IGFL2: variants seen among roughly 807,000 people sequenced by gnomAD.
IGFL2 encodes insulin growth factor-like family member 2.
In IGFL2, 7 loss-of-function variants were observed where a neutral mutation model predicts 13.9. The observed-to-expected ratio is 0.51, with a 90% CI of 0.29 to 0.95. The LOEUF (loss-of-function observed/expected upper bound fraction) is 0.95. Among genes scored for constraint, IGFL2 ranks in the 40% least tolerant of loss-of-function variants. The probability of loss-of-function intolerance (pLI) is 0.08; values close to 1 mark genes in which losing one functional copy is unlikely to be tolerated. For missense variants in IGFL2, 138 were observed against 147.8 expected (o/e 0.93, Z 0.34); for synonymous variants, 55 against 55.8 (o/e 0.99, Z 0.07).
upstream of IGFL2, among the ~76,000 whole-genome samples, chr19:46,146,437 A>G (rs982068070): frequency 2.6e-5 from 4 of 152,108 alleles, no homozygotes; most frequent in African/African-American, 7.2e-5. Flanking sequence ...TGGCCATTCT[A>G]GTTTCCATTG....
chr19:46,150,734 G>C (rs1282285348), intron 1 of IGFL2, among the ~76,000 whole-genome samples: 1 of 152,114 alleles, frequency 6.6e-6, no homozygotes, highest in Non-Finnish European at 1.5e-5. Flanking sequence ...GCAGTGGTGT[G>C]ATCACAGCTC....
chr19:46,137,023 A>T, the IGFL2 span: 1 of 1,583,446 alleles, frequency 6.3e-7, no homozygotes, highest in East Asian at 2.2e-5. Flanking sequence ...CTTTCAATGC[A>T]GTCACAGTGG....
At chr19:46,136,797 A>G in the IGFL2 span, 2 of 671,974 alleles carry the variant, frequency 3.0e-6, no homozygotes, top group Non-Finnish European at 5.6e-6. Context: ...TTTGAGTGCA[A>G]CATTCACTAG....
At chr19:46,083,221 T>TA in the IGFL2 span, among the ~76,000 whole-genome samples, 1 of 152,232 alleles carries the variant, frequency 6.6e-6, no homozygotes, top group Non-Finnish European at 1.5e-5. Context: ...CACAAAGACA[T>TA]ACGTATAAGA....
chr19:46,080,082 G>GA, the IGFL2 span, among the ~76,000 whole-genome samples: 5 of 152,204 alleles, frequency 3.3e-5, no homozygotes, highest in Non-Finnish European at 7.3e-5. Context: ...AAGAGACAGT[G>GA]AAAATGTAAG....
At chr19:46,122,018 C>G in the IGFL2 span, among the ~76,000 whole-genome samples, 1 of 151,206 alleles carries the variant, frequency 6.6e-6, no homozygotes. Context: ...ATGACTTCAT[C>G]TATCTTTTTA....
the IGFL2 span, among the ~76,000 whole-genome samples, chr19:46,137,765 C>T: frequency 6.6e-6 from 1 of 152,152 alleles, no homozygotes; most frequent in African/African-American, 2.4e-5. Context: ...ATTCAAAGAA[C>T]CAGTCTTTGA....
At chr19:46,168,276 A>G in the IGFL2 span, among the ~76,000 whole-genome samples, 9 of 152,246 alleles carry the variant, frequency 5.9e-5, no homozygotes, top group African/African-American at 2.2e-4. Context: ...ATCGTTGGTT[A>G]AAAAGATTAA....
chr19:46,086,716 C>T, the IGFL2 span, among the ~76,000 whole-genome samples: 1 of 152,184 alleles, frequency 6.6e-6, no homozygotes, highest in African/African-American at 2.4e-5. Flanking sequence ...TGTGTTCTTA[C>T]GTTGATATCT....
intron 1 of IGFL2, among the ~76,000 whole-genome samples, chr19:46,153,557 G>T (rs1167634991): frequency 6.6e-6 from 1 of 151,924 alleles, no homozygotes; most frequent in African/African-American, 2.4e-5. Context: ...ATACAATTAT[G>T]TACATATTGT....
downstream of IGFL2, chr19:46,163,833 C>G (rs901669756): frequency 2.0e-5 from 3 of 152,280 alleles, no homozygotes; most frequent in East Asian, 3.9e-4. Flanking sequence ...CTGCTCCAGT[C>G]CTTAGTTGCC....
At chr19:46,183,944 A>AT in the IGFL2 span, among the ~76,000 whole-genome samples, 2 of 151,820 alleles carry the variant, frequency 1.3e-5, no homozygotes, top group Middle Eastern at 3.4e-3. Flanking sequence ...GGTTTTCAGC[A>AT]TTTTTTCCCC....
the IGFL2 span, among the ~76,000 whole-genome samples, chr19:46,102,393 T>A: frequency 6.6e-6 from 1 of 152,182 alleles, no homozygotes; most frequent in Non-Finnish European, 1.5e-5. Context: ...CGGGTGGATC[T>A]TACAAAGTAT....
At chr19:46,204,008 A>G in the IGFL2 span, 1 of 152,200 alleles carries the variant, frequency 6.6e-6, no homozygotes, top group South Asian at 2.1e-4. Context: ...TGAGTCTCCG[A>G]TCCCAGCCCT....
chr19:46,092,386 G>A, the IGFL2 span, among the ~76,000 whole-genome samples: 32 of 151,694 alleles, frequency 2.1e-4, 1 homozygote, highest in African/African-American at 6.0e-4. Flanking sequence ...ATCCCAGCAC[G>A]TTGGGAGGCT....
chr19:46,199,917 G>A, the IGFL2 span, among the ~76,000 whole-genome samples: 2 of 152,140 alleles, frequency 1.3e-5, no homozygotes, highest in Admixed American at 6.5e-5. Context: ...TCGCTCTGTA[G>A]CCAGGCTGGA....
the IGFL2 span, among the ~76,000 whole-genome samples, chr19:46,167,059 T>C: frequency 2.0e-5 from 3 of 152,200 alleles, no homozygotes; most frequent in African/African-American, 7.2e-5. Context: ...GGGGAAGTGG[T>C]AAGTGTCCAT....
intron 1 of IGFL2, among the ~76,000 whole-genome samples, chr19:46,153,535 T>G (rs73048058): frequency 0.033 from 5,043 of 152,254 alleles, 123 homozygotes; most frequent in East Asian, 0.072. Context: ...AGATTCTTTA[T>G]TTTTCCCAGC....
intron 1 of IGFL2, among the ~76,000 whole-genome samples, chr19:46,153,219 G>A (rs1476170353): frequency 6.6e-6 from 1 of 152,162 alleles, no homozygotes; most frequent in African/African-American, 2.4e-5. Context: ...TTTTTGAAAA[G>A]TTTGTGAATG....
Sources: gnomAD v4.1 joint callset for allele counts (sites outside exome capture counted in the v4.1 genomes callset) on GRCh38, gnomAD v4.1.1 for gene constraint, MANE v1.5 for transcripts, NCBI Gene and HGNC (gene_info 2026-07-23, HGNC 2026-07-21) for gene names.